The following PRKCH variants were observed in gnomAD, a reference collection of about 807,000 sequenced individuals.
PRKCH encodes protein kinase C eta type.
In PRKCH, 28 loss-of-function variants were observed where a neutral mutation model predicts 82.5. The ratio of observed to expected loss-of-function variants is 0.34; its 90% CI spans 0.25 to 0.47. PRKCH has a LOEUF of 0.47. PRKCH is among the 20% of genes least tolerant of loss of function. The probability of loss-of-function intolerance (pLI) is 1.00; values close to 1 mark genes in which losing one functional copy is unlikely to be tolerated. For synonymous variants in PRKCH, 322 were observed against 327.4 expected, an observed-to-expected ratio of 0.98 and a Z score of 0.18; for missense variants, 705 against 881.8, an observed-to-expected ratio of 0.80 and a Z score of 2.54.
intron 2 of PRKCH, among the ~76,000 whole-genome samples, chr14:61,441,796 C>T (rs897909443): frequency 2.1e-4 from 31 of 147,014 alleles, no homozygotes; most frequent in African/African-American, 7.1e-4. Context: ...ACTTTGGATG[C>T]CTTTAGAGTT....
At chr14:61,397,373 G>C (rs760790552) in intron 2 of PRKCH, among the ~76,000 whole-genome samples, 9 of 152,176 alleles carry the variant, frequency 5.9e-5, no homozygotes, top group Non-Finnish European at 8.8e-5. Context: ...CAATGTCTGG[G>C]AGAAATTGGA....
intron 6 of PRKCH, among the ~76,000 whole-genome samples, chr14:61,452,066 C>A: frequency 6.6e-6 from 1 of 152,178 alleles, no homozygotes; most frequent in East Asian, 1.9e-4. Context: ...GTTGCTGATG[C>A]GCAGAGCCAT....
At chr14:61,425,889 G>A (rs572585644) in intron 2 of PRKCH, among the ~76,000 whole-genome samples, 1 of 152,278 alleles carries the variant, frequency 6.6e-6, no homozygotes, top group Non-Finnish European at 1.5e-5. Context: ...TATTGAGTGA[G>A]TTCTCATGAG....
chr14:61,340,771 A>G (rs2045921997), intron 1 of PRKCH, among the ~76,000 whole-genome samples: 1 of 152,024 alleles, frequency 6.6e-6, no homozygotes, highest in Non-Finnish European at 1.5e-5. Context: ...CCACAATTAA[A>G]TATCCCATCT....
At chr14:61,451,776 G>A (rs1460450328) in intron 6 of PRKCH, among the ~76,000 whole-genome samples, 2 of 152,202 alleles carry the variant, frequency 1.3e-5, no homozygotes, top group Admixed American at 6.5e-5. Context: ...GAGAACAATG[G>A]TGAGGTAGAA....
chr14:61,188,597 T>TCG (rs1566774133), intron 1 of PRKCH, among the ~76,000 whole-genome samples: 1 of 39,610 alleles, frequency 2.5e-5, no homozygotes, highest in Non-Finnish European at 5.4e-5. Context: ...GTCGGGGGGG[T>TCG]GGGGGGGTGG....
chr14:61,224,669 T>C (rs775056795), intron 1 of PRKCH, among the ~76,000 whole-genome samples: 1 of 152,190 alleles, frequency 6.6e-6, no homozygotes, highest in African/African-American at 2.4e-5. Context: ...TCCCATCACA[T>C]CATATCCGGA....
intron 10 of PRKCH, among the ~76,000 whole-genome samples, chr14:61,496,111 T>C (rs947274697): frequency 1.3e-4 from 20 of 152,206 alleles, no homozygotes; most frequent in Admixed American, 3.9e-4. Context: ...CTGGAGCAGA[T>C]GAATTCGGGC....
chr14:61,434,790 G>A (rs749778506), intron 2 of PRKCH, among the ~76,000 whole-genome samples: 3 of 152,164 alleles, frequency 2.0e-5, no homozygotes, highest in Non-Finnish European at 4.4e-5. Flanking sequence ...CGAGACCAAA[G>A]AGAGAGGATC....
intron 1 of PRKCH, among the ~76,000 whole-genome samples, chr14:61,188,407 G>T (rs77980524): frequency 6.6e-6 from 1 of 152,188 alleles, no homozygotes; most frequent in Non-Finnish European, 1.5e-5. Context: ...CTCTCAGGCA[G>T]TTCTGGCTCC....
At chr14:61,281,101 G>A in intron 1 of PRKCH, 2 of 1,476,600 alleles carry the variant, frequency 1.4e-6, no homozygotes, top group South Asian at 1.3e-5. Context: ...AGTGAAGGCG[G>A]TGTTGTCGGG....
At chr14:61,323,463 G>T (rs1255199678) in intron 1 of PRKCH, among the ~76,000 whole-genome samples, 1 of 152,162 alleles carries the variant, frequency 6.6e-6, no homozygotes, top group Non-Finnish European at 1.5e-5. Flanking sequence ...AAGACTCTCA[G>T]GAGTTTAATA....
rs527590620 is a variant in PRKCH, at chr14:61,322,781, A to G, written c.363+317A>G. 1.4e-3 allele frequency: 444 copies of G among 306,446 alleles called. 3 individuals carry two copies. The highest frequency in any genetic ancestry group is 2.9e-3 in the Admixed American group (64 of 22,262). 19.0% of individuals were successfully genotyped at this position (306,446 alleles called of 1,614,324 possible). ...CTTTGGGTAAGGAGCTCCAACTTTC[A>G]GCACGAGAGTGATAGGTAGGAAAGG... On this transcript the variant is annotated intron_variant, in intron 1 of 13. Coordinates refer to ENST00000332981, the MANE Select transcript of PRKCH (RefSeq NM_006255.5).
rs77849369 is a variant in PRKCH, at chr14:61,301,569, C to T, written c.-19+113901C>T. On this transcript the variant is annotated intron_variant, in intron 1 of 3. Coordinates refer to the PRKCH transcript ENST00000555185. The stretch of plus-strand genomic sequence containing the variant: ...TGAAATGTACACATCTGTTCAGGCA[C>T]TGAGGCTCATGCCTATAATCCCAAA... 6.6e-3 allele frequency among the ~76,000 whole-genome samples: 1,009 copies of T among 152,342 alleles called. 15 individuals are homozygous for T. Among genetic ancestry groups the T allele is most frequent in the Middle Eastern group, 0.024 (7 of 292 alleles).
At chr14:61,272,344 CTTTTTTTT>C (rs1162331604) in intron 1 of PRKCH, among the ~76,000 whole-genome samples, 6 of 23,582 alleles carry the variant, frequency 2.5e-4, no homozygotes, top group African/African-American at 7.7e-4. Flanking sequence ...TTTTTTCTTT[CTTTTTTTT>C]TTTTTTTTTT....
At chr14:61,347,693 C>T (rs1225070900) in intron 1 of PRKCH, among the ~76,000 whole-genome samples, 1 of 152,230 alleles carries the variant, frequency 6.6e-6, no homozygotes, top group African/African-American at 2.4e-5. Flanking sequence ...TGATGCCTCT[C>T]TCTTTTTTAC....
intron 2 of PRKCH, among the ~76,000 whole-genome samples, chr14:61,423,096 G>A (rs988083722): frequency 2.6e-5 from 4 of 152,156 alleles, no homozygotes; most frequent in African/African-American, 4.8e-5. Flanking sequence ...AGGTGATTCC[G>A]AGGCAAGGCC....
intron 10 of PRKCH, chr14:61,527,889 C>CG (rs2042988063): frequency 1.3e-3 from 1 of 760 alleles, no homozygotes; most frequent in South Asian, 0.071. Context: ...CCTTCTCACT[C>CG]CCCTTCTCTG....
intron 1 of PRKCH, among the ~76,000 whole-genome samples, chr14:61,233,751 C>T (rs1485107225): frequency 1.3e-5 from 2 of 152,164 alleles, no homozygotes; most frequent in African/African-American, 2.4e-5. Flanking sequence ...CCCCTTGCTG[C>T]TGTCATGCCA....
Sources: gnomAD v4.1 joint callset for allele counts (sites outside exome capture counted in the v4.1 genomes callset) on GRCh38, gnomAD v4.1.1 for gene constraint, MANE v1.5 for transcripts, NCBI Gene and HGNC (gene_info 2026-07-23, HGNC 2026-07-21) for gene names.